The following TMEM132D variants were observed in gnomAD, a reference collection of about 807,000 sequenced individuals.
The protein encoded by TMEM132D is mature OL transmembrane protein.
In TMEM132D, 21 loss-of-function variants were observed where a neutral mutation model predicts 62.3. That is an observed-to-expected ratio of 0.34 (90% CI 0.24 to 0.49). The LOEUF (loss-of-function observed/expected upper bound fraction) is 0.49, where lower values mean the gene tolerates loss of function less well. Ranked by LOEUF, TMEM132D falls within the 20% of genes least tolerant of loss-of-function variation. The pLI is 0.99. For synonymous variants in TMEM132D, 621 were observed against 575.6 expected, an observed-to-expected ratio of 1.08 and a Z score of -1.13; for missense variants, 1,346 against 1,402.8, an observed-to-expected ratio of 0.96 and a Z score of 0.65.
intron 1 of TMEM132D, among the ~76,000 whole-genome samples, chr12:129,792,252 A>G (rs543698824): frequency 6.6e-6 from 1 of 152,174 alleles, no homozygotes; most frequent in Non-Finnish European, 1.5e-5. Context: ...GATAGTGGTT[A>G]AAAGCCCCCA....
rs148693861 is a variant in TMEM132D, at chr12:129,838,056, G to A, written c.79+65205C>T. Among the ~76,000 whole-genome samples, 23 of 152,286 alleles carry A rather than the reference G, an allele frequency of 1.5e-4. No homozygotes were observed. In the East Asian group the frequency reaches 2.3e-3, roughly 15 times the overall value. ...CCAAACAACGATATTCACCTCTGAC[G>A]TTTTCATGCACCAATAAAATTTGAT... On this transcript the variant is annotated intron_variant, in intron 1 of 8. Transcript: ENST00000422113.
chr12:129,306,706 G>A (rs571917914), intron 4 of TMEM132D, among the ~76,000 whole-genome samples: 17 of 152,228 alleles, frequency 1.1e-4, no homozygotes, highest in African/African-American at 2.4e-4. Flanking sequence ...CCAGTATTTC[G>A]CATTCTTGGC....
chr12:129,899,744 A>G (rs1175254778), intron 1 of TMEM132D, among the ~76,000 whole-genome samples: 1 of 152,238 alleles, frequency 6.6e-6, no homozygotes, highest in Non-Finnish European at 1.5e-5. Flanking sequence ...CTATGCACAT[A>G]AATATTTTTA....
chr12:129,874,597 A>AAG (rs1169276347), intron 1 of TMEM132D, among the ~76,000 whole-genome samples: 7 of 151,320 alleles, frequency 4.6e-5, no homozygotes, highest in Non-Finnish European at 1.0e-4. Flanking sequence ...TAGGTTAAAA[A>AAG]AAAAAAAAAA....
intron 4 of TMEM132D, among the ~76,000 whole-genome samples, chr12:129,315,083 T>G (rs2135638456): frequency 6.6e-6 from 1 of 152,290 alleles, no homozygotes; most frequent in East Asian, 1.9e-4. Context: ...GGTCATATTG[T>G]CAGCAAACAA....
chr12:129,837,042 C>T (rs976391032), intron 1 of TMEM132D, among the ~76,000 whole-genome samples: 1 of 152,178 alleles, frequency 6.6e-6, no homozygotes, highest in Non-Finnish European at 1.5e-5. Context: ...AAGACACTCT[C>T]TAGGAAACGG....
intron 2 of TMEM132D, among the ~76,000 whole-genome samples, chr12:129,654,192 G>A (rs925402199): frequency 2.0e-5 from 3 of 151,822 alleles, no homozygotes; most frequent in African/African-American, 7.3e-5. Flanking sequence ...TTGGCCACTG[G>A]GAGCTCTTTC....
At chr12:129,512,927 G>A (rs1385311800) in intron 3 of TMEM132D, among the ~76,000 whole-genome samples, 2 of 152,266 alleles carry the variant, frequency 1.3e-5, no homozygotes, top group Admixed American at 6.5e-5. Context: ...CATCTAACCC[G>A]CATTCAAAAG....
Position 129,072,522 on chromosome 12 carries a change from G to A in TMEM132D, c.*1353C>T, listed in dbSNP as rs137977049. The A allele has an allele frequency of 2.0e-5, 3 of 152,416 alleles. No homozygotes were observed. Among genetic ancestry groups the A allele is most frequent in the African/African-American group, 7.2e-5 (3 of 41,568 alleles). 9.4% of individuals were successfully genotyped at this position (152,416 alleles called of 1,614,324 possible). On this transcript the variant is annotated 3_prime_UTR_variant, in exon 9 of 9. Coordinates refer to ENST00000422113, the MANE Select transcript of TMEM132D (RefSeq NM_133448.3). ...AAGCAATGCTGAACCTTTCGGGGCT[G>A]ACTGCAGGACCAAGTGCTTGCAAAC...
intron 3 of TMEM132D, among the ~76,000 whole-genome samples, chr12:129,411,775 C>T (rs1396422130): frequency 1.3e-5 from 2 of 152,220 alleles, no homozygotes; most frequent in Admixed American, 6.5e-5. Context: ...CATTCTGTGA[C>T]ATCATCATCT....
chr12:129,373,002 A>G (rs966412322), intron 3 of TMEM132D, among the ~76,000 whole-genome samples: 2 of 152,100 alleles, frequency 1.3e-5, no homozygotes, highest in Admixed American at 6.5e-5. Flanking sequence ...GTAGTTACAA[A>G]GGTCATAGGA....
chr12:129,148,736 T>C (rs1876984920), intron 5 of TMEM132D, among the ~76,000 whole-genome samples: 1 of 152,058 alleles, frequency 6.6e-6, no homozygotes, highest in South Asian at 2.1e-4. Context: ...CAGTGGGAAA[T>C]TTTCTCCCCA....
chr12:129,482,598 T>C (rs1316623803), intron 3 of TMEM132D, among the ~76,000 whole-genome samples: 1 of 152,182 alleles, frequency 6.6e-6, no homozygotes, highest in Non-Finnish European at 1.5e-5. Flanking sequence ...ACTTTACTCA[T>C]TATATGTACT....
rs140286112 is a variant in TMEM132D at position 129,659,970 on chromosome 12, C to G, written c.968+39840G>C. On this transcript the variant is annotated intron_variant, in intron 2 of 8. Coordinates refer to ENST00000422113, the MANE Select transcript of TMEM132D (RefSeq NM_133448.3). ...AGGCACTGATGCAGAAGAAGAACCC[C>G]TTGGGCCTGGGAAGACACTGAACTG... is the stretch of plus-strand genomic sequence containing the variant. Among the ~76,000 whole-genome samples the G allele has an allele frequency of 3.4e-4, 52 of 152,256 alleles. 2 individuals are homozygous for G. The East Asian group carries it at 9.7e-3, about 28-fold the overall frequency.
At chr12:129,151,650 C>T (rs1033898119) in intron 5 of TMEM132D, among the ~76,000 whole-genome samples, 3 of 152,204 alleles carry the variant, frequency 2.0e-5, no homozygotes, top group Admixed American at 6.5e-5. Context: ...AGGACTCCAT[C>T]CACCTCCTCA....
chr12:129,122,948 T>C (rs1432825158), intron 5 of TMEM132D, among the ~76,000 whole-genome samples: 1 of 152,048 alleles, frequency 6.6e-6, no homozygotes, highest in Non-Finnish European at 1.5e-5. Context: ...TCGCCTTGCA[T>C]AAAAAACTTG....
chr12:129,340,880 T>C (rs1869455422), intron 3 of TMEM132D, among the ~76,000 whole-genome samples: 4 of 152,220 alleles, frequency 2.6e-5, no homozygotes, highest in Admixed American at 2.6e-4. Flanking sequence ...GGTTGTACCT[T>C]GAGCTTGTGG....
chr12:129,349,450 A>C (rs1266012499), intron 3 of TMEM132D, among the ~76,000 whole-genome samples: 3 of 152,214 alleles, frequency 2.0e-5, no homozygotes, highest in African/African-American at 7.2e-5. Flanking sequence ...ACCAGGTGCT[A>C]ATCAGTGGAA....
chr12:129,882,610 AAC>A (rs1262255950), intron 1 of TMEM132D, among the ~76,000 whole-genome samples: 1 of 152,234 alleles, frequency 6.6e-6, no homozygotes, highest in African/African-American at 2.4e-5. Flanking sequence ...AAATGCTCCC[AAC>A]ACACAAAAAA....
Sources: gnomAD v4.1 joint callset for allele counts (sites outside exome capture counted in the v4.1 genomes callset) on GRCh38, gnomAD v4.1.1 for gene constraint, MANE v1.5 for transcripts, NCBI Gene and HGNC (gene_info 2026-07-23, HGNC 2026-07-21) for gene names.